The following CCDC14 variants were observed in gnomAD, a reference collection of about 807,000 sequenced individuals.
CCDC14 encodes the protein coiled-coil domain containing 14, also known as coiled-coil domain-containing protein 14.
CCDC14 carries 71 observed loss-of-function variants against 81.4 expected under a neutral mutation model. The observed-to-expected ratio is 0.87, with a 90% CI of 0.72 to 1.06. CCDC14 has a LOEUF of 1.06. Ranked by LOEUF, CCDC14 falls within the 50% of genes least tolerant of loss-of-function variation. The pLI is 0.00. For synonymous variants in CCDC14, 332 were observed against 364.8 expected, an observed-to-expected ratio of 0.91 and a Z score of 1.03; for missense variants, 1,046 against 1,047.3, an observed-to-expected ratio of 1.00 and a Z score of 0.02.
rs2036541834 is a variant in CCDC14, at chr3:123,944,876, A to G, written c.1316T>C (p.Leu439Ser). The G allele has an allele frequency of 6.2e-7, 1 of 1,611,360 alleles. No individual in the cohort carries two copies. The highest frequency in any genetic ancestry group is 1.1e-5 in the South Asian group (1 of 90,688). ...QVEIALAMQP[L>S]RSENAQLRRQ... is the part of the protein sequence containing the mutation. ...TCGTAACTGAGCATTCTCACTTCTT[A>G]ATGGTTGCATGGCCAGTGCTATCTC... The change falls in exon 9 of 13, where the codon TTA becomes TCA. Residue 439 changes from leucine (L) to serine (S), a missense_variant. Transcript: ENST00000409697.
In CCDC14 at chr3:123,948,686, C is replaced by T. The variant is rs771609951; in HGVS notation, c.684+5G>A. ...TTACTTATGTAGTATAAGAACTGTA[C>T]GCACAGAATGAACCTTTGGAGGGCA... On this transcript the variant is annotated splice_donor_5th_base_variant and intron_variant, in intron 7 of 12. Transcript: ENST00000409697. The T allele has an allele frequency of 3.3e-5, 52 of 1,589,682 alleles. No individual in the cohort carries two copies. The highest frequency in any genetic ancestry group is 1.7e-4 in the South Asian group (15 of 85,836).
chr3:123,936,954 A>G (rs1243911962), intron 9 of CCDC14, among the ~76,000 whole-genome samples: 1 of 152,124 alleles, frequency 6.6e-6, no homozygotes, highest in Non-Finnish European at 1.5e-5. Context: ...AGAATTTTAT[A>G]TAAATGGAAT....
At chr3:123,951,542 G>A (rs981423723) in intron 5 of CCDC14, among the ~76,000 whole-genome samples, 3 of 152,184 alleles carry the variant, frequency 2.0e-5, no homozygotes, top group Non-Finnish European at 4.4e-5. Context: ...TAAAATGATA[G>A]AGGGTGAGAT....
chr3:123,913,959 C>T lies in CCDC14; in HGVS notation c.*820G>A, dbSNP rs541946025. The T allele has an allele frequency of 2.3e-5, 23 of 985,390 alleles. 1 individual carries two copies. The East Asian group carries it at 1.0e-3, about 44-fold the overall frequency. 61.0% of individuals were successfully genotyped at this position (985,390 alleles called of 1,614,324 possible). ...ATAGAGAATATTCTCAGCTAACATG[C>T]TGGGAGAAAAAATTCTTCCAAAAAG... On this transcript the variant is annotated 3_prime_UTR_variant, in exon 13 of 13. Coordinates refer to ENST00000409697, the MANE Select transcript of CCDC14 (RefSeq NM_001366335.1).
At chr3:123,893,614 T>A (rs2034019593), downstream of CCDC14, among the ~76,000 whole-genome samples, 1 of 152,092 alleles carries the variant, frequency 6.6e-6, no homozygotes, top group Non-Finnish European at 1.5e-5. Context: ...CTGAGTCATA[T>A]GTCTATTTTT....
chr3:123,923,889 A>G (rs2035199511), intron 12 of CCDC14, among the ~76,000 whole-genome samples: 2 of 151,726 alleles, frequency 1.3e-5, no homozygotes, highest in African/African-American at 4.8e-5. Context: ...CTACAAATTC[A>G]ACAGAATTCC....
downstream of CCDC14, among the ~76,000 whole-genome samples, chr3:123,908,475 C>T (rs1217715424): frequency 6.6e-6 from 1 of 152,206 alleles, no homozygotes; most frequent in Non-Finnish European, 1.5e-5. Flanking sequence ...TGATCCACTG[C>T]TCCTGCTCTT....
At chr3:123,957,100 G>T (rs911293334) in intron 1 of CCDC14, 21 of 175,836 alleles carry the variant, frequency 1.2e-4, no homozygotes, top group African/African-American at 5.0e-4. Context: ...ATTGTAGCAT[G>T]TGTCAAAATT....
chr3:123,932,293 C>T (rs1193292512), intron 10 of CCDC14, among the ~76,000 whole-genome samples: 1 of 152,058 alleles, frequency 6.6e-6, no homozygotes, highest in Non-Finnish European at 1.5e-5. Context: ...TACTGATCTC[C>T]CCACTTGTCC....
At position 123,951,023 on chromosome 3, in the gene CCDC14, G is replaced by T. The variant is rs926450684; in HGVS notation, c.353-1891C>A. ...ATATCAGATGCTTCCCTTTTGACTT[G>T]GGGTATGCTTCCTTTTCAGATGATC... On this transcript the variant is annotated intron_variant, in intron 5 of 12. Coordinates refer to ENST00000409697, the MANE Select transcript of CCDC14 (RefSeq NM_001366335.1). Among the ~76,000 whole-genome samples the T allele has an allele frequency of 3.9e-5, 6 of 152,050 alleles. No individual in the cohort carries two copies. The East Asian group carries it at 1.2e-3, about 29-fold the overall frequency.
chr3:123,931,607 A>C (rs755288958), intron 10 of CCDC14, 81 bp from the exon 11 acceptor site: 120 of 715,092 alleles, frequency 1.7e-4, no homozygotes, highest in Non-Finnish European at 2.4e-4. Context: ...TCTTAAAAAA[A>C]AAAAAAAAAG....
Position 123,913,985 on chromosome 3 carries a change from G to A in CCDC14, c.*794C>T, listed in dbSNP as rs1033207800. Reference sequence around the variant, plus strand: ...TGGGAGAAAAAATTCTTCCAAAAAGGCAGAATTACAATCAATGCCAAGATT... The same window carrying A: ...TGGGAGAAAAAATTCTTCCAAAAAGACAGAATTACAATCAATGCCAAGATT... On this transcript the variant is annotated 3_prime_UTR_variant, in exon 13 of 13. Coordinates refer to ENST00000409697, the MANE Select transcript of CCDC14 (RefSeq NM_001366335.1). The A allele has an allele frequency of 3.0e-6, 3 of 985,120 alleles. No individual in the cohort carries two copies. In the African/African-American group the frequency reaches 5.3e-5, roughly 17 times the overall value. 61.0% of individuals were successfully genotyped at this position (985,120 alleles called of 1,614,324 possible).
rs2034249818 is a variant in CCDC14, at chr3:123,904,284, G to A, written c.668-6671C>T. ...TGAAACAACGACCAGCTATCTCTGA[G>A]GTCTATATAAATCATGGACCTATAT... On this transcript the variant is annotated intron_variant, in intron 5 of 5. Coordinates refer to the CCDC14 transcript ENST00000479903. Among the ~76,000 whole-genome samples the A allele has an allele frequency of 2.0e-5, 3 of 151,916 alleles. No individual in the cohort carries two copies. In the South Asian group the frequency reaches 6.2e-4, roughly 32 times the overall value.
chr3:123,896,578 T>C (rs1183003803), downstream of CCDC14, among the ~76,000 whole-genome samples: 7 of 152,090 alleles, frequency 4.6e-5, no homozygotes, highest in East Asian at 5.8e-4. Context: ...CTCACTTACA[T>C]GTAGAATCTT....
chr3:123,913,471 G>A lies in CCDC14; in HGVS notation c.*1308C>T. 1.0e-6 allele frequency: 1 copy of A among 980,612 alleles called. No individual in the cohort carries two copies. Among genetic ancestry groups the A allele is most frequent in the East Asian group, 1.1e-4 (1 of 8,798 alleles). The allele number at this position is 980,612 out of a possible 1,614,324, so 60.7% of individuals were successfully genotyped here. A position where few individuals can be genotyped will look rare whatever the true frequency, so the allele number is the denominator to read the frequency against. The stretch of plus-strand genomic sequence containing the variant: ...TATTTCTGAACTTATTTGTTAAAGA[G>A]TTGTGGCCTATTACCTCCAAATAAG... On this transcript the variant is annotated 3_prime_UTR_variant, in exon 13 of 13. Coordinates refer to ENST00000409697, the MANE Select transcript of CCDC14 (RefSeq NM_001366335.1).
rs4678073 is a variant in CCDC14, at chr3:123,948,677, A to C, written c.684+14T>G. 0.046 allele frequency: 72,794 copies of C among 1,573,410 alleles called. 9,912 individuals are homozygous for C. The highest frequency in any genetic ancestry group is 0.44 in the East Asian group (19,458 of 44,576). On this transcript the variant is annotated intron_variant, in intron 7 of 12. Transcript: ENST00000409697. ...AGCAAATAGTTACTTATGTAGTATA[A>C]GAACTGTACGCACAGAATGAACCTT...
downstream of CCDC14, among the ~76,000 whole-genome samples, chr3:123,895,470 T>C (rs2682237): frequency 0.84 from 127,837 of 152,170 alleles, 54,013 homozygotes; most frequent in East Asian, 0.96. Flanking sequence ...AGGCTAAAAG[T>C]CTGCTAGTTC....
chr3:123,947,246 A>G lies in CCDC14; in HGVS notation c.758T>C (p.Leu253Pro). 6.2e-7 allele frequency: 1 copy of G among 1,613,916 alleles called. No individual in the cohort carries two copies. The highest frequency in any genetic ancestry group is 8.5e-7 in the Non-Finnish European group (1 of 1,179,820). Residue 253 changes from leucine (L) to proline (P), a missense_variant, in exon 8 of 13, where the codon CTA becomes CCA. Leu to Pro is a moderately conservative substitution (Grantham distance 98). Coordinates refer to ENST00000409697, the MANE Select transcript of CCDC14 (RefSeq NM_001366335.1). Reference protein sequence around the residue: ...KTVSATCTDVLRNSFNTSPGV... With the variant: ...KTVSATCTDVPRNSFNTSPGV... ...AGGACTGGTATTAAATGAATTCCGT[A>G]GAACATCAGTACAGGTTGCAGAAAC...
At chr3:123,898,934 G>C (rs1472020916) in intron 5 of CCDC14, among the ~76,000 whole-genome samples, 1 of 143,844 alleles carries the variant, frequency 7.0e-6, no homozygotes, top group Non-Finnish European at 1.5e-5. Context: ...TGGTCAGTCT[G>C]GTCTCAAACT....
Sources: allele counts gnomAD v4.1 joint callset (sites outside exome capture counted in the v4.1 genomes callset), GRCh38; gene constraint gnomAD v4.1.1; transcripts MANE v1.5; gene names NCBI Gene and HGNC (gene_info 2026-07-23, HGNC 2026-07-21).